AFAP1L1: variants seen among roughly 807,000 people sequenced by gnomAD.
AFAP1L1 encodes actin filament-associated protein 1-like 1.
Under a neutral mutation model 99.8 loss-of-function variants are expected in AFAP1L1, and 77 were observed. The ratio of observed to expected loss-of-function variants is 0.77; its 90% CI spans 0.64 to 0.93. The LOEUF is 0.93. AFAP1L1 is among the 40% of genes least tolerant of loss of function. The pLI is 0.00. For missense variants in AFAP1L1, 893 were observed against 996.8 expected (o/e 0.90, Z 1.40); for synonymous variants, 373 against 395.3 (o/e 0.94, Z 0.67).
intron 1 of AFAP1L1, among the ~76,000 whole-genome samples, chr5:149,294,817 C>T (rs1215069105): frequency 8.4e-4 from 1 of 1,186 alleles, no homozygotes; most frequent in Non-Finnish European, 3.5e-3. Context: ...TGCCCACCTC[C>T]CCCCAGCCCC....
intron 5 of AFAP1L1, among the ~76,000 whole-genome samples, chr5:149,303,370 G>A (rs914901524): frequency 6.6e-6 from 1 of 152,108 alleles, no homozygotes; most frequent in Non-Finnish European, 1.5e-5. Flanking sequence ...ACACATGGAC[G>A]TTCTTTTGAA....
chr5:149,317,611 G>A, intron 11 of AFAP1L1, 118 bp from the exon 12 acceptor site: 2 of 1,032,794 alleles, frequency 1.9e-6, no homozygotes, highest in Non-Finnish European at 2.8e-6. Flanking sequence ...AGGTCACAGG[G>A]GAAAGAGAGC....
At chr5:149,309,575 C>CCCAAGG (rs1756545808) in intron 7 of AFAP1L1, among the ~76,000 whole-genome samples, 2 of 152,142 alleles carry the variant, frequency 1.3e-5, no homozygotes, top group Non-Finnish European at 2.9e-5. Flanking sequence ...CTATTGACTT[C>CCCAAGG]CCAAGGCCAA....
At chr5:149,301,046 GCCT>G in intron 3 of AFAP1L1, 84 bp from the exon 4 acceptor site, 2 of 1,168,730 alleles carry the variant, frequency 1.7e-6, no homozygotes, top group Non-Finnish European at 2.5e-6. Flanking sequence ...TCACACTCAG[GCCT>G]CCTGACCCCA....
At chr5:149,333,180 T>C (rs950706195) in intron 17 of AFAP1L1, among the ~76,000 whole-genome samples, 2 of 152,210 alleles carry the variant, frequency 1.3e-5, no homozygotes, top group Non-Finnish European at 2.9e-5. Context: ...CCAGCATACA[T>C]TGAATAACAA....
chr5:149,293,959 T>A (rs777464254), intron 1 of AFAP1L1, among the ~76,000 whole-genome samples: 8 of 152,196 alleles, frequency 5.3e-5, no homozygotes, highest in Non-Finnish European at 1.0e-4. Context: ...CCCTAGCCAC[T>A]GCACTATTCT....
intron 6 of AFAP1L1, 92 bp from the exon 7 acceptor site, chr5:149,307,310 C>T: frequency 1.5e-6 from 2 of 1,366,326 alleles, no homozygotes; most frequent in Middle Eastern, 1.8e-4. Context: ...CCTTCCTAGC[C>T]TCAGTCCCCA....
chr5:149,303,897 TTTCAA>T (rs1756315548), intron 5 of AFAP1L1, among the ~76,000 whole-genome samples: 1 of 152,228 alleles, frequency 6.6e-6, no homozygotes, highest in Admixed American at 6.5e-5. Flanking sequence ...ATTTCCACCA[TTTCAA>T]GCTGTCCAGC....
At chr5:149,295,072 T>G (rs1245653907) in intron 1 of AFAP1L1, among the ~76,000 whole-genome samples, 1 of 152,254 alleles carries the variant, frequency 6.6e-6, no homozygotes, top group Admixed American at 6.5e-5. Context: ...GCAGGTTCAG[T>G]GCAAGCTGTG....
At position 149,271,951 on chromosome 5, in the gene AFAP1L1, G is replaced by A. The variant is rs1453260125; in HGVS notation, c.-18G>A. 2.4e-6 allele frequency: 3 copies of A among 1,228,580 alleles called. No individual in the cohort carries two copies. The highest frequency in any genetic ancestry group is 4.3e-5 in the Admixed American group (1 of 23,422). 76.1% of individuals were successfully genotyped at this position (1,228,580 alleles called of 1,614,324 possible). A position where few individuals can be genotyped will look rare whatever the true frequency, so the allele number is the denominator to read the frequency against. The stretch of plus-strand genomic sequence containing the variant: ...CCCTGCGCCCTGCGGCCCGCTCCCC[G>A]GGGACCGGGCCGGCGCCATGGACCG... On this transcript the variant is annotated 5_prime_UTR_variant, in exon 1 of 19. Transcript: ENST00000296721.
chr5:149,335,646 A>G lies in AFAP1L1; in HGVS notation c.2207A>G (p.Asn736Ser), dbSNP rs1214903801. 6.8e-6 allele frequency: 11 copies of G among 1,613,314 alleles called. No individual in the cohort carries two copies. The highest frequency in any genetic ancestry group is 9.3e-6 in the Non-Finnish European group (11 of 1,180,034). Residue 736 changes from asparagine to serine, a missense_variant, in exon 18 of 19, where the codon AAC (asparagine) becomes AGC (serine). By Grantham distance (46) the Asn-to-Ser change is conservative (BLOSUM62 1). Transcript: ENST00000296721. ...NSVPEQPLPV[N>S]CVSELRKRSP... Reference sequence around the variant, plus strand: ...GTTCCAGAGCAACCTCTCCCTGTCAACTGTGTTTCTGAGCTGAGGAAGAGG... The same window carrying G: ...GTTCCAGAGCAACCTCTCCCTGTCAGCTGTGTTTCTGAGCTGAGGAAGAGG...
At chr5:149,303,310 GC>G in intron 5 of AFAP1L1, among the ~76,000 whole-genome samples, 2 of 152,286 alleles carry the variant, frequency 1.3e-5, no homozygotes, top group African/African-American at 4.8e-5. Flanking sequence ...CCTTAAACTG[GC>G]CATAAAGGAG....
intron 1 of AFAP1L1, among the ~76,000 whole-genome samples, chr5:149,274,837 A>C (rs1755259986): frequency 6.6e-6 from 1 of 150,796 alleles, no homozygotes; most frequent in Non-Finnish European, 1.5e-5. Flanking sequence ...GTGAGCCGAG[A>C]TCGAGCCATT....
intron 1 of AFAP1L1, chr5:149,276,821 G>A (rs1755340763): frequency 6.6e-6 from 1 of 152,176 alleles, no homozygotes; most frequent in Admixed American, 6.6e-5. Context: ...TCAAAGACAG[G>A]GAACAGGTTA....
intron 1 of AFAP1L1, among the ~76,000 whole-genome samples, chr5:149,281,424 C>T (rs1185774610): frequency 6.6e-6 from 1 of 152,210 alleles, no homozygotes; most frequent in Non-Finnish European, 1.5e-5. Flanking sequence ...CTCTAGGTCT[C>T]TCCTGACTTT....
chr5:149,302,632 T>C, intron 5 of AFAP1L1, 106 bp downstream of exon 5: 3 of 946,240 alleles, frequency 3.2e-6, no homozygotes, highest in Non-Finnish European at 4.7e-6. Context: ...CCTGTCACCC[T>C]CCCAACCATG....
intron 14 of AFAP1L1, among the ~76,000 whole-genome samples, chr5:149,321,722 C>CAAAAAAAAAAAAAAAAAAAAAAAA (rs57366142): frequency 1.6e-5 from 1 of 63,766 alleles, no homozygotes. Flanking sequence ...GACTCTGTCT[C>CAAAAAAAAAAAAAAAAAAAAAAAA]AAAAAAAAAA....
At chr5:149,316,439 A>G (rs1756801483) in intron 11 of AFAP1L1, 136 bp downstream of exon 11, 1 of 1,057,264 alleles carries the variant, frequency 9.5e-7, no homozygotes, top group African/African-American at 1.6e-5. Context: ...CTGGGAGGCT[A>G]AGCCCCACTC....
intron 15 of AFAP1L1, among the ~76,000 whole-genome samples, chr5:149,324,681 G>A (rs977679848): frequency 3.3e-5 from 5 of 152,158 alleles, no homozygotes; most frequent in African/African-American, 9.7e-5. Flanking sequence ...ATCTCAAGAC[G>A]TTGGCCGGTC....
Sources: gnomAD v4.1 joint callset for allele counts (sites outside exome capture counted in the v4.1 genomes callset) on GRCh38, gnomAD v4.1.1 for gene constraint, MANE v1.5 for transcripts, NCBI Gene and HGNC (gene_info 2026-07-23, HGNC 2026-07-21) for gene names.